The following ARHGAP15 variants were observed in gnomAD, a reference collection of about 807,000 sequenced individuals.
The protein encoded by ARHGAP15 is rho GTPase-activating protein 15.
In ARHGAP15, 51 loss-of-function variants were observed where a neutral mutation model predicts 63.7. That is an observed-to-expected ratio of 0.80 (90% confidence interval 0.64 to 1.01). The LOEUF is 1.01. Ranked by LOEUF, ARHGAP15 falls within the 50% of genes least tolerant of loss-of-function variation. The pLI, the probability that ARHGAP15 is intolerant of heterozygous loss-of-function variation, is 0.00. For missense variants in ARHGAP15, 560 were observed against 564.6 expected (o/e 0.99, Z 0.08); for synonymous variants, 191 against 193.8 (o/e 0.99, Z 0.12).
chr2:143,478,964 A>G (rs1257060183), intron 8 of ARHGAP15, among the ~76,000 whole-genome samples: 1 of 152,226 alleles, frequency 6.6e-6, no homozygotes, highest in African/African-American at 2.4e-5. Flanking sequence ...CACACAGTCC[A>G]GGAATTTAGA....
At chr2:143,202,027 T>C (rs1415575545) in intron 2 of ARHGAP15, 107 bp from the exon 3 acceptor site, 1 of 846,078 alleles carries the variant, frequency 1.2e-6, no homozygotes, top group Non-Finnish European at 2.0e-6. Flanking sequence ...TTATATCTAC[T>C]TAATTCACAT....
chr2:143,288,214 T>C (rs188531956), intron 6 of ARHGAP15, among the ~76,000 whole-genome samples: 43 of 152,266 alleles, frequency 2.8e-4, no homozygotes, highest in Admixed American at 7.8e-4. Context: ...AGGGAGAGTG[T>C]CACTCATATG....
At chr2:143,680,822 T>A (rs1189029037) in intron 12 of ARHGAP15, among the ~76,000 whole-genome samples, 1 of 152,200 alleles carries the variant, frequency 6.6e-6, no homozygotes, top group African/African-American at 2.4e-5. Flanking sequence ...TACAGGGCAG[T>A]GAGTAATATT....
At chr2:143,381,270 A>G (rs1029028224) in intron 6 of ARHGAP15, among the ~76,000 whole-genome samples, 1 of 151,968 alleles carries the variant, frequency 6.6e-6, no homozygotes. Flanking sequence ...AGATGATTAT[A>G]TTTTCCTGGG....
chr2:143,285,206 C>T (rs1410671115), intron 6 of ARHGAP15, among the ~76,000 whole-genome samples: 2 of 152,018 alleles, frequency 1.3e-5, no homozygotes, highest in African/African-American at 4.8e-5. Flanking sequence ...GGGATTTTTA[C>T]TTGTAAACCC....
intron 8 of ARHGAP15, among the ~76,000 whole-genome samples, chr2:143,478,684 A>T (rs572266842): frequency 6.6e-6 from 1 of 150,476 alleles, no homozygotes; most frequent in South Asian, 2.1e-4. Flanking sequence ...TATAGCAAAT[A>T]ACTTCAAAAT....
At chr2:143,129,548 T>A (rs776576919) in intron 1 of ARHGAP15, 82 bp downstream of exon 1, 2 of 152,234 alleles carry the variant, frequency 1.3e-5, no homozygotes, top group Non-Finnish European at 2.9e-5. Flanking sequence ...TGTGAACATA[T>A]AAACATTTCT....
At chr2:143,372,349 T>TAA (rs35140789) in intron 6 of ARHGAP15, among the ~76,000 whole-genome samples, 8 of 114,170 alleles carry the variant, frequency 7.0e-5, no homozygotes, top group Non-Finnish European at 1.2e-4. Context: ...GTAGTCGATT[T>TAA]AAAAAAAAAA....
At chr2:143,594,791 T>C (rs1417051814) in intron 11 of ARHGAP15, among the ~76,000 whole-genome samples, 2 of 152,184 alleles carry the variant, frequency 1.3e-5, no homozygotes, top group Non-Finnish European at 2.9e-5. Flanking sequence ...GTGGAGCAAA[T>C]GTTACAGGAG....
At chr2:143,246,261 G>A (rs934119121) in intron 5 of ARHGAP15, among the ~76,000 whole-genome samples, 1 of 151,972 alleles carries the variant, frequency 6.6e-6, no homozygotes, top group Non-Finnish European at 1.5e-5. Context: ...GTTGTAAGAA[G>A]TAAATGAGAA....
At chr2:143,692,703 G>A (rs1328444461) in intron 12 of ARHGAP15, among the ~76,000 whole-genome samples, 1 of 152,186 alleles carries the variant, frequency 6.6e-6, no homozygotes, top group African/African-American at 2.4e-5. Flanking sequence ...CAAATTGTGT[G>A]CAACTTCTTT....
chr2:143,266,739 G>T (rs1364230999), intron 6 of ARHGAP15, among the ~76,000 whole-genome samples: 1 of 151,836 alleles, frequency 6.6e-6, no homozygotes, highest in Non-Finnish European at 1.5e-5. Flanking sequence ...CATAAACTTT[G>T]CTCAGGATTC....
At chr2:143,147,509 T>C (rs1218168135) in intron 1 of ARHGAP15, among the ~76,000 whole-genome samples, 1 of 152,036 alleles carries the variant, frequency 6.6e-6, no homozygotes, top group Non-Finnish European at 1.5e-5. Context: ...GCTCCCTAAA[T>C]GTAATTACAA....
At chr2:143,283,240 C>G (rs1448103740) in intron 6 of ARHGAP15, among the ~76,000 whole-genome samples, 2 of 152,118 alleles carry the variant, frequency 1.3e-5, no homozygotes, top group African/African-American at 2.4e-5. Context: ...TCACACTGTT[C>G]CCTTCTCACC....
chr2:143,226,840 C>A (rs552844334), intron 4 of ARHGAP15, among the ~76,000 whole-genome samples: 1 of 152,124 alleles, frequency 6.6e-6, no homozygotes, highest in South Asian at 2.1e-4. Context: ...TAAGAAAGCT[C>A]CAGGCATATA....
chr2:143,270,087 C>T (rs552503201), intron 6 of ARHGAP15, among the ~76,000 whole-genome samples: 1 of 152,210 alleles, frequency 6.6e-6, no homozygotes, highest in East Asian at 1.9e-4. Flanking sequence ...ATTCTCCTGC[C>T]TCAGCCTCCT....
At chr2:143,503,919 G>T (rs1303196968) in intron 9 of ARHGAP15, among the ~76,000 whole-genome samples, 4 of 152,162 alleles carry the variant, frequency 2.6e-5, no homozygotes, top group African/African-American at 7.2e-5. Flanking sequence ...GAAGATAAAT[G>T]CACAAAAACA....
intron 6 of ARHGAP15, among the ~76,000 whole-genome samples, chr2:143,410,126 A>T (rs989112616): frequency 6.6e-6 from 1 of 152,176 alleles, no homozygotes; most frequent in Non-Finnish European, 1.5e-5. Flanking sequence ...TATATAAATA[A>T]ATAAAAATAA....
At chr2:143,389,572 A>G (rs933052698) in intron 6 of ARHGAP15, among the ~76,000 whole-genome samples, 3 of 152,192 alleles carry the variant, frequency 2.0e-5, no homozygotes, top group Non-Finnish European at 4.4e-5. Flanking sequence ...ATTTCAAAGG[A>G]AAATGCAAAT....
Sources: gnomAD v4.1 joint callset for allele counts (sites outside exome capture counted in the v4.1 genomes callset) on GRCh38, gnomAD v4.1.1 for gene constraint, MANE v1.5 for transcripts, NCBI Gene and HGNC (gene_info 2026-07-23, HGNC 2026-07-21) for gene names.